The following LRRTM1 variants were observed in gnomAD, a reference collection of about 807,000 sequenced individuals.
The protein encoded by LRRTM1 is leucine rich repeat transmembrane neuronal 1.
Under a neutral mutation model 37.3 loss-of-function variants are expected in LRRTM1, and 8 were observed. The observed-to-expected ratio is 0.21, with a 90% CI of 0.13 to 0.39. The LOEUF is 0.39. Ranked by LOEUF, LRRTM1 falls within the 10% of genes least tolerant of loss-of-function variation. LRRTM1 has a pLI of 1.00. For missense variants in LRRTM1, 557 were observed against 691.0 expected, an observed-to-expected ratio of 0.81 and a Z score of 2.17; for synonymous variants, 326 against 316.8, an observed-to-expected ratio of 1.03 and a Z score of -0.31.
In LRRTM1 at chr2:80,303,513, A is replaced by G; in HGVS notation, c.307T>C (p.Ser103Pro). 1 of 1,614,196 alleles carries G rather than the reference A, an allele frequency of 6.2e-7. No individual in the cohort carries two copies. The highest frequency in any genetic ancestry group is 8.5e-7 in the Non-Finnish European group (1 of 1,180,046). The change falls in exon 2 of 2, where the codon TCC (serine) becomes CCC (proline). Residue 103 changes from serine to proline, a missense_variant. Physicochemically the swap from Ser to Pro is moderately conservative, Grantham distance 74 (BLOSUM62 -1). Coordinates refer to ENST00000295057, the MANE Select transcript of LRRTM1 (RefSeq NM_178839.5). This position sits in a 1 kb window ranked among gnomAD's most constrained non-coding sequence, Gnocchi z 7.7. ...WLYLDHNHIC[S>P]VQGDAFQKLR... ...TTCTGAAAGGCGTCCCCCTGCACGG[A>G]GCAGATGTGATTGTGATCCAGATAG...
chr2:80,303,291 G>A lies in LRRTM1; in HGVS notation c.529C>T (p.Pro177Ser), dbSNP rs868828007. The change falls in exon 2 of 2, where the codon CCC becomes TCC. Residue 177 changes from proline (P) to serine (S), a missense_variant. Coordinates refer to ENST00000295057, the MANE Select transcript of LRRTM1 (RefSeq NM_178839.5). The surrounding 1 kb of genome is among the most constrained non-coding windows in gnomAD (Gnocchi z 7.7). ...CGGCAGTCCTGGAAGATGCGCACGG[G>A]CACAAACTGGATGGCGTTGGCCCGC... is the stretch of plus-strand genomic sequence containing the variant. ...HMRANAIQFV[P>S]VRIFQDCRSL... 1 of 1,613,458 alleles carries A rather than the reference G, an allele frequency of 6.2e-7. No homozygotes were observed.
downstream of LRRTM1, chr2:80,298,304 T>A (rs1675942824): frequency 6.6e-6 from 1 of 152,180 alleles, no homozygotes; most frequent in Non-Finnish European, 1.5e-5. Context: ...TCGCCACTCA[T>A]CTAGAGGAGA....
In LRRTM1 at chr2:80,292,012, C is replaced by T. The variant is rs539809803; in HGVS notation, c.*307-2817G>A. 1.1e-4 allele frequency among the ~76,000 whole-genome samples: 17 copies of T among 152,302 alleles called. No individual in the cohort carries two copies. In the South Asian group the frequency reaches 1.9e-3, roughly 17 times the overall value. ...CAGACTTCACTGCCTCCATATCCCT[C>T]TTTTAGGCCCAGTGCTTTCAGGAAT... On this transcript the variant is annotated intron_variant and NMD_transcript_variant, in intron 2 of 2. Transcript: ENST00000417012.
In LRRTM1 at chr2:80,290,487, C is replaced by G. The variant is rs191287046; in HGVS notation, c.*307-1292G>C. On this transcript the variant is annotated intron_variant and NMD_transcript_variant, in intron 2 of 2. Transcript: ENST00000417012. ...TGAGGTTGGTGAGGCTCCCGTGATGCTTTTACTTTTTGCTGTTTTTTTCTC... is the reference window on the plus strand; with the variant it reads ...TGAGGTTGGTGAGGCTCCCGTGATGGTTTTACTTTTTGCTGTTTTTTTCTC... Among the ~76,000 whole-genome samples the G allele has an allele frequency of 2.5e-3, 383 of 152,074 alleles. 1 individual carries two copies. Among genetic ancestry groups the G allele is most frequent in the African/African-American group, 8.9e-3 (368 of 41,514 alleles).
At chr2:80,298,182 G>A (rs543450923), downstream of LRRTM1, 1 of 151,070 alleles carries the variant, frequency 6.6e-6, no homozygotes, top group East Asian at 1.9e-4. Flanking sequence ...CCTTTTTTTT[G>A]ACATTCTAAA....
At chr2:80,289,951 A>G (rs539227504) in intron 2 of LRRTM1, among the ~76,000 whole-genome samples, 13 of 152,288 alleles carry the variant, frequency 8.5e-5, no homozygotes, top group African/African-American at 2.2e-4. Context: ...TTTGAAGGAT[A>G]TGGGCCTCAA....
Position 80,303,396 on chromosome 2 carries a change from C to A in LRRTM1, c.424G>T (p.Val142Leu), listed in dbSNP as rs766412259. 2 of 1,614,138 alleles carry A rather than the reference C, an allele frequency of 1.2e-6. No individual in the cohort carries two copies. The highest frequency in any genetic ancestry group is 4.5e-5 in the East Asian group (2 of 44,860). Residue 142 changes from valine (V) to leucine (L), a missense_variant, in exon 2 of 2, where the codon GTG (valine) becomes TTG (leucine). Transcript: ENST00000295057. The surrounding 1 kb of genome is among the most constrained non-coding windows in gnomAD (Gnocchi z 7.7). ...TFRPMPNLRS[V>L]DLSYNKLQAL... ...TGCAGCTTGTTGTACGAGAGGTCCA[C>A]GCTGCGCAGGTTGGGCATGGGCCGG... is the stretch of plus-strand genomic sequence containing the variant.
In LRRTM1 at chr2:80,303,464, G is replaced by A; in HGVS notation, c.356C>T (p.Thr119Met). Residue 119 changes from threonine to methionine, a missense_variant, in exon 2 of 2, where the codon ACG becomes ATG. Around this residue, in one of 5 missense-constraint regions of LRRTM1, gnomAD observed 38 missense variants for 72.9 expected, o/e 0.52. Transcript: ENST00000295057. The surrounding 1 kb of genome is among the most constrained non-coding windows in gnomAD (Gnocchi z 7.7). ...TTGGGTGATCTGGTTGGAACTCAGCGTGAGTTCCTTAACTCGGCGCAGTTT... is the reference window on the plus strand; with the variant it reads ...TTGGGTGATCTGGTTGGAACTCAGCATGAGTTCCTTAACTCGGCGCAGTTT... ...FQKLRRVKELTLSSNQITQLP... is the reference protein window; with the variant it reads ...FQKLRRVKELMLSSNQITQLP... 1 of 1,614,230 alleles carries A rather than the reference G, an allele frequency of 6.2e-7. No homozygotes were observed. The highest frequency in any genetic ancestry group is 8.5e-7 in the Non-Finnish European group (1 of 1,180,050).
At chr2:80,291,627 A>G (rs1296642993) in intron 2 of LRRTM1, among the ~76,000 whole-genome samples, 1 of 152,212 alleles carries the variant, frequency 6.6e-6, no homozygotes, top group African/African-American at 2.4e-5. Flanking sequence ...GGCCAGTATG[A>G]TTTAATATTG....
downstream of LRRTM1, among the ~76,000 whole-genome samples, chr2:80,297,655 G>T (rs1675864302): frequency 6.6e-6 from 1 of 152,046 alleles, no homozygotes; most frequent in Non-Finnish European, 1.5e-5. Context: ...TCAGAGTAGA[G>T]CATACTTTAA....
chr2:80,303,531 C>A lies in LRRTM1; in HGVS notation c.289G>T (p.Asp97Tyr). 1 of 1,614,208 alleles carries A rather than the reference C, an allele frequency of 6.2e-7. No individual in the cohort carries two copies. The highest frequency in any genetic ancestry group is 8.5e-7 in the Non-Finnish European group (1 of 1,180,046). ...GLMQLTWLYLDHNHICSVQGD... is the reference protein window; with the variant it reads ...GLMQLTWLYLYHNHICSVQGD... ...TGCACGGAGCAGATGTGATTGTGATCCAGATAGAGCCACGTGAGCTGCATT... is the reference window on the plus strand; with the variant it reads ...TGCACGGAGCAGATGTGATTGTGATACAGATAGAGCCACGTGAGCTGCATT... Residue 97 changes from aspartate to tyrosine, a missense_variant, in exon 2 of 2, where the codon GAT becomes TAT. Coordinates refer to ENST00000295057, the MANE Select transcript of LRRTM1 (RefSeq NM_178839.5). This position sits in a 1 kb window ranked among gnomAD's most constrained non-coding sequence, Gnocchi z 7.7.
intron 2 of LRRTM1, among the ~76,000 whole-genome samples, chr2:80,296,074 C>T (rs1043840409): frequency 2.0e-5 from 3 of 151,776 alleles, no homozygotes; most frequent in Non-Finnish European, 4.4e-5. Context: ...ACGATTATTG[C>T]GGGTACATAG....
chr2:80,302,482 G>C lies in LRRTM1; in HGVS notation c.1338C>G (p.Leu446=), dbSNP rs770852349. ...IFSFLIVVLV[L]YVSWKCFPAS... ...CTGGGAAACACTTCCAGGACACGTA[G>C]AGCACCAGGACCACGATGAGGAAGG... Residue 446 remains leucine, a synonymous_variant, in exon 2 of 2, where the codon CTC becomes CTG. Coordinates refer to ENST00000295057, the MANE Select transcript of LRRTM1 (RefSeq NM_178839.5). The surrounding 1 kb of genome is among the most constrained non-coding windows in gnomAD (Gnocchi z 6.4). The C allele has an allele frequency of 6.2e-7, 1 of 1,613,966 alleles. No individual in the cohort carries two copies. Among genetic ancestry groups the C allele is most frequent in the South Asian group, 1.1e-5 (1 of 91,084 alleles).
chr2:80,292,640 C>G (rs142839365), intron 2 of LRRTM1, among the ~76,000 whole-genome samples: 86 of 152,306 alleles, frequency 5.6e-4, no homozygotes, highest in Middle Eastern at 6.8e-3. Context: ...TCTGCATACT[C>G]TCATGGTGAG....
At chr2:80,289,365 T>A (rs760274840) in intron 2 of LRRTM1, among the ~76,000 whole-genome samples, 13 of 152,216 alleles carry the variant, frequency 8.5e-5, no homozygotes, top group Non-Finnish European at 1.9e-4. Flanking sequence ...TACTAATTAT[T>A]CTGCAATATT....
In LRRTM1 at chr2:80,303,867, T is replaced by A; in HGVS notation, c.-48A>T. On this transcript the variant is annotated 5_prime_UTR_variant, in exon 2 of 2. Coordinates refer to ENST00000295057, the MANE Select transcript of LRRTM1 (RefSeq NM_178839.5). This position sits in a 1 kb window ranked among gnomAD's most constrained non-coding sequence, Gnocchi z 7.7. The stretch of plus-strand genomic sequence containing the variant: ...ACTGGAGAATGTCCATTGGAAGCGC[T>A]CGGTCAGAAATCTACATCATATTTT... 1 of 1,473,404 alleles carries A rather than the reference T, an allele frequency of 6.8e-7. No homozygotes were observed. The allele number at this position is 1,473,404 out of a possible 1,614,324, so 91.3% of individuals were successfully genotyped here. A position where few individuals can be genotyped will look rare whatever the true frequency, so the allele number is the denominator to read the frequency against.
Position 80,302,962 on chromosome 2 carries a change from C to G in LRRTM1, c.858G>C (p.Gln286His). Residue 286 changes from glutamine to histidine, a missense_variant, in exon 2 of 2, where the codon CAG becomes CAC. Gln to His is a conservative substitution (Grantham distance 24). Around this residue, in one of 5 missense-constraint regions of LRRTM1, gnomAD observed 200 missense variants for 249.9 expected, o/e 0.80. Transcript: ENST00000295057. This position sits in a 1 kb window ranked among gnomAD's most constrained non-coding sequence, Gnocchi z 6.4. ...FETVPHLQSLQLDSNRLTYIE... is the reference protein window; with the variant it reads ...FETVPHLQSLHLDSNRLTYIE... ...TGTAGGTGAGGCGGTTGGAGTCCAGCTGCAGGGACTGCAGGTGCGGCACGG... is the reference window on the plus strand; with the variant it reads ...TGTAGGTGAGGCGGTTGGAGTCCAGGTGCAGGGACTGCAGGTGCGGCACGG... 1.9e-6 allele frequency: 3 copies of G among 1,613,576 alleles called. No homozygotes were observed. Among genetic ancestry groups the G allele is most frequent in the Non-Finnish European group, 2.5e-6 (3 of 1,179,974 alleles).
chr2:80,297,902 T>C (rs1324308465), downstream of LRRTM1, among the ~76,000 whole-genome samples: 1 of 152,132 alleles, frequency 6.6e-6, no homozygotes, highest in Non-Finnish European at 1.5e-5. Context: ...AGTTTGATTA[T>C]GAAGAAGAAA....
At chr2:80,292,470 C>A (rs1050319679) in intron 2 of LRRTM1, among the ~76,000 whole-genome samples, 35 of 152,082 alleles carry the variant, frequency 2.3e-4, no homozygotes, top group Non-Finnish European at 1.6e-4. Flanking sequence ...GCTAATACTA[C>A]TCTGAACGAG....
Sources: allele counts gnomAD v4.1 joint callset (sites outside exome capture counted in the v4.1 genomes callset), GRCh38; gene constraint gnomAD v4.1.1; regional missense constraint gnomAD v4.1.1; non-coding constraint Gnocchi (gnomAD v3.1); transcripts MANE v1.5; gene names NCBI Gene and HGNC (gene_info 2026-07-23, HGNC 2026-07-21).